The following SPEF2 variants were observed in gnomAD, a reference collection of about 807,000 sequenced individuals.
SPEF2 encodes the protein sperm flagella and cilia-associated protein 2.
A neutral mutation model predicts 224.6 loss-of-function variants in SPEF2; 187 were observed. The observed-to-expected ratio is 0.83, with a 90% CI of 0.74 to 0.94. SPEF2 has a LOEUF of 0.94. Among genes scored for constraint, SPEF2 ranks in the 40% least tolerant of loss-of-function variants. SPEF2 has a pLI of 0.00. For synonymous variants in SPEF2, 715 were observed against 707.3 expected (o/e 1.01, Z -0.17); for missense variants, 2,170 against 2,135.6 (o/e 1.02, Z -0.32).
intron 18 of SPEF2, among the ~76,000 whole-genome samples, chr5:35,708,338 C>T (rs1393584991): frequency 6.6e-6 from 1 of 152,010 alleles, no homozygotes; most frequent in Non-Finnish European, 1.5e-5. Flanking sequence ...TCTTGTATTA[C>T]ATTGCCCTTT....
intron 10 of SPEF2, among the ~76,000 whole-genome samples, chr5:35,680,706 G>T (rs1219331032): frequency 6.6e-6 from 1 of 152,140 alleles, no homozygotes; most frequent in Non-Finnish European, 1.5e-5. Flanking sequence ...AAATTCAGTT[G>T]ATTTGTGAAG....
At chr5:35,734,858 C>A (rs1746304710) in intron 21 of SPEF2, among the ~76,000 whole-genome samples, 2 of 151,844 alleles carry the variant, frequency 1.3e-5, no homozygotes. Flanking sequence ...ACTACAGGTG[C>A]ATGCCACCAC....
intron 30 of SPEF2, among the ~76,000 whole-genome samples, chr5:35,782,987 C>A (rs1754555996): frequency 6.6e-6 from 1 of 152,036 alleles, no homozygotes; most frequent in African/African-American, 2.4e-5. Context: ...TGCAATGAAA[C>A]AGTTGATTAC....
intron 8 of SPEF2, among the ~76,000 whole-genome samples, chr5:35,664,242 G>A (rs1750119919): frequency 6.7e-6 from 1 of 149,090 alleles, no homozygotes; most frequent in African/African-American, 2.5e-5. Flanking sequence ...AAGTCCATAA[G>A]GGCAGTACCA....
At chr5:35,622,777 A>T (rs1244588761) in intron 1 of SPEF2, among the ~76,000 whole-genome samples, 1 of 152,226 alleles carries the variant, frequency 6.6e-6, no homozygotes, top group East Asian at 1.9e-4. Context: ...TAATATAGCA[A>T]GTCTAGTAGC....
intron 20 of SPEF2, among the ~76,000 whole-genome samples, chr5:35,715,556 G>A (rs967783253): frequency 6.6e-6 from 1 of 152,010 alleles, no homozygotes; most frequent in Non-Finnish European, 1.5e-5. Flanking sequence ...ACAGGAAAAT[G>A]TCTCTTCCTC....
Position 35,664,299 on chromosome 5 carries a change from AGAAG to A in SPEF2, c.1168-2757_1168-2754del, listed in dbSNP as rs576124254. Among the ~76,000 whole-genome samples the A allele has an allele frequency of 3.6e-3, 552 of 151,690 alleles. 6 individuals carry two copies. Among genetic ancestry groups the A allele is most frequent in the African/African-American group, 0.013 (525 of 41,332 alleles). Reference sequence around the variant, plus strand: ...TAAAGAAAAAAAAAAAAAAGAGGAAAGAAGGAAGGAAGGAAGGAAAAAGAAAAGA... The same window carrying A: ...TAAAGAAAAAAAAAAAAAAGAGGAAAGAAGGAAGGAAGGAAAAAGAAAAGA... On this transcript the variant is annotated intron_variant, in intron 8 of 36. Coordinates refer to ENST00000356031, the MANE Select transcript of SPEF2 (RefSeq NM_024867.4).
intron 24 of SPEF2, among the ~76,000 whole-genome samples, chr5:35,754,125 A>C (rs953976333): frequency 2.0e-5 from 3 of 152,214 alleles, no homozygotes; most frequent in Non-Finnish European, 4.4e-5. Flanking sequence ...GCCTGGCCAC[A>C]ACAAGCATAG....
At chr5:35,801,163 T>A (rs1757367067) in intron 34 of SPEF2, among the ~76,000 whole-genome samples, 1 of 151,986 alleles carries the variant, frequency 6.6e-6, no homozygotes, top group Non-Finnish European at 1.5e-5. Flanking sequence ...CAGCCTGGAG[T>A]GTGTATTTCC....
At chr5:35,687,882 C>T (rs895021246) in intron 10 of SPEF2, among the ~76,000 whole-genome samples, 23 of 151,716 alleles carry the variant, frequency 1.5e-4, no homozygotes, top group African/African-American at 4.1e-4. Context: ...TTGTTAATTC[C>T]GTTGATTTTG....
Position 35,628,562 on chromosome 5 carries a change from G to C in SPEF2, c.161G>C (p.Arg54Thr), listed in dbSNP as rs1034656119. The change falls in exon 2 of 37, where the codon AGG (arginine) becomes ACG (threonine). Residue 54 changes from arginine to threonine, a missense_variant and splice_region_variant. Physicochemically the swap from Arg to Thr is moderately conservative, Grantham distance 71 (BLOSUM62 -1). Coordinates refer to ENST00000356031, the MANE Select transcript of SPEF2 (RefSeq NM_024867.4). ...GATTTTTCAGAATTTTTGGACAGCA[G>C]GTTAGTGAGATTATTCCTTTTTGTT... Reference protein sequence around the residue: ...QDDFSEFLDSRVSSAKLNNFS... With the variant: ...QDDFSEFLDSTVSSAKLNNFS... 8.8e-6 allele frequency: 14 copies of C among 1,594,776 alleles called. No homozygotes were observed. The highest frequency in any genetic ancestry group is 1.2e-5 in the Non-Finnish European group (14 of 1,162,962).
intron 20 of SPEF2, among the ~76,000 whole-genome samples, chr5:35,714,969 G>T (rs529298399): frequency 2.6e-4 from 39 of 152,130 alleles, no homozygotes; most frequent in African/African-American, 9.4e-4. Flanking sequence ...AGGCTGGAGT[G>T]CAGTAGTGTG....
chr5:35,653,361 A>G (rs1026748789), intron 6 of SPEF2, among the ~76,000 whole-genome samples: 4 of 152,200 alleles, frequency 2.6e-5, no homozygotes, highest in African/African-American at 7.2e-5. Flanking sequence ...TGTGTTTTCA[A>G]TAAGTGTTCA....
intron 19 of SPEF2, 109 bp from the exon 20 acceptor site, chr5:35,712,703 C>A: frequency 9.3e-7 from 1 of 1,071,098 alleles, no homozygotes; most frequent in South Asian, 1.5e-5. Flanking sequence ...ATGCAGTTCA[C>A]AAATGTAACT....
chr5:35,627,688 C>T (rs1744466098), intron 1 of SPEF2, among the ~76,000 whole-genome samples: 1 of 152,154 alleles, frequency 6.6e-6, no homozygotes, highest in African/African-American at 2.4e-5. Context: ...TTCTCAAACA[C>T]TGCTGCAAAA....
chr5:35,788,059 G>A (rs1755416322), intron 30 of SPEF2: 1 of 702,904 alleles, frequency 1.4e-6, no homozygotes, highest in Non-Finnish European at 2.6e-6. Context: ...TGAAGTCAGG[G>A]GGAAGTCAAG....
intron 1 of SPEF2, among the ~76,000 whole-genome samples, chr5:35,625,486 A>G (rs887175458): frequency 6.6e-6 from 1 of 152,214 alleles, no homozygotes; most frequent in Non-Finnish European, 1.5e-5. Context: ...CAACAGGCAC[A>G]GTGCAAACCC....
chr5:35,756,355 T>C (rs1750446030), intron 24 of SPEF2, among the ~76,000 whole-genome samples: 1 of 152,248 alleles, frequency 6.6e-6, no homozygotes, highest in Non-Finnish European at 1.5e-5. Context: ...GAGTGTCTAC[T>C]GTATTCCTAA....
chr5:35,700,439 A>T (rs1738375191), intron 15 of SPEF2, 57 bp from the exon 16 acceptor site: 1 of 1,471,032 alleles, frequency 6.8e-7, no homozygotes, highest in African/African-American at 1.4e-5. Context: ...TCATCATAGT[A>T]TTTCCAAAGT....
Sources: gnomAD v4.1 joint callset for allele counts (sites outside exome capture counted in the v4.1 genomes callset) on GRCh38, gnomAD v4.1.1 for gene constraint, MANE v1.5 for transcripts, NCBI Gene and HGNC (gene_info 2026-07-23, HGNC 2026-07-21) for gene names.